The following ARB2A variants were observed in gnomAD, a reference collection of about 807,000 sequenced individuals.
The protein encoded by ARB2A is ARB2 cotranscriptional regulator A.
At chr5:93,859,419 G>GA in the ARB2A span, among the ~76,000 whole-genome samples, 18 of 149,318 alleles carry the variant, frequency 1.2e-4, no homozygotes, top group Non-Finnish European at 1.8e-4. Context: ...TAAGGCACAT[G>GA]AAAAAAAAAG....
At chr5:93,906,532 A>C in the ARB2A span, among the ~76,000 whole-genome samples, 1 of 151,578 alleles carries the variant, frequency 6.6e-6, no homozygotes, top group Non-Finnish European at 1.5e-5. Context: ...AAAAATATTG[A>C]GTGTCACAAA....
the ARB2A span, among the ~76,000 whole-genome samples, chr5:93,748,358 A>G: frequency 6.6e-6 from 1 of 152,134 alleles, no homozygotes; most frequent in Non-Finnish European, 1.5e-5. Context: ...ATATTGAAGA[A>G]TAGTAAAATA....
chr5:94,106,856 T>C, the ARB2A span, among the ~76,000 whole-genome samples: 2 of 139,872 alleles, frequency 1.4e-5, no homozygotes, highest in African/African-American at 2.7e-5. Flanking sequence ...CATTATCCTA[T>C]GTGAATCAAT....
At chr5:93,881,430 G>T in the ARB2A span, 1 of 1,433,716 alleles carries the variant, frequency 7.0e-7, no homozygotes, top group Non-Finnish European at 9.7e-7. Flanking sequence ...ATATATACAA[G>T]GTAAAGAAAA....
the ARB2A span, among the ~76,000 whole-genome samples, chr5:93,948,647 A>G: frequency 2.0e-5 from 3 of 152,106 alleles, no homozygotes; most frequent in Non-Finnish European, 4.4e-5. Flanking sequence ...TTTTAGGTCT[A>G]ACGTTTAAGT....
At chr5:94,070,471 T>C in the ARB2A span, among the ~76,000 whole-genome samples, 544 of 152,182 alleles carry the variant, frequency 3.6e-3, 5 homozygotes, top group African/African-American at 0.013. Flanking sequence ...TATTTCAAGA[T>C]AGCTAGAAGA....
chr5:94,063,283 T>C, the ARB2A span, among the ~76,000 whole-genome samples: 1 of 152,088 alleles, frequency 6.6e-6, no homozygotes, highest in Non-Finnish European at 1.5e-5. Flanking sequence ...GTACTCCTCC[T>C]AGGGGCCTCA....
At chr5:93,984,627 A>C in the ARB2A span, among the ~76,000 whole-genome samples, 3 of 152,178 alleles carry the variant, frequency 2.0e-5, no homozygotes, top group African/African-American at 7.2e-5. Context: ...TGAAGTTTTT[A>C]CTGACTTTGC....
chr5:94,072,628 C>G, the ARB2A span, among the ~76,000 whole-genome samples: 1 of 151,852 alleles, frequency 6.6e-6, no homozygotes, highest in African/African-American at 2.4e-5. Flanking sequence ...CTAATACATA[C>G]GAACTAAGAG....
At chr5:93,781,029 T>A in the ARB2A span, among the ~76,000 whole-genome samples, 2 of 152,194 alleles carry the variant, frequency 1.3e-5, no homozygotes, top group African/African-American at 4.8e-5. Flanking sequence ...TTTCTTTTTT[T>A]TATAGATTTA....
At chr5:93,945,414 C>CA in the ARB2A span, among the ~76,000 whole-genome samples, 4,262 of 59,500 alleles carry the variant, frequency 0.072, 132 homozygotes, top group East Asian at 0.26. Context: ...GATTCCATCT[C>CA]AAAAAAAAAA....
chr5:94,025,827 C>T, the ARB2A span, among the ~76,000 whole-genome samples: 71 of 152,280 alleles, frequency 4.7e-4, no homozygotes, highest in African/African-American at 1.5e-3. Context: ...ACGCCCCTGC[C>T]GAGGCCTTGC....
At chr5:93,683,515 T>G in the ARB2A span, 1 of 1,559,696 alleles carries the variant, frequency 6.4e-7, no homozygotes. Context: ...TTGGACTGCC[T>G]TCGTAATTCA....
At chr5:93,764,426 T>C in the ARB2A span, among the ~76,000 whole-genome samples, 6 of 152,224 alleles carry the variant, frequency 3.9e-5, no homozygotes, top group South Asian at 1.2e-3. Context: ...AACACCTCTA[T>C]GCAAATAAAC....
the ARB2A span, among the ~76,000 whole-genome samples, chr5:94,006,165 C>A: frequency 2.6e-5 from 4 of 152,134 alleles, no homozygotes; most frequent in Non-Finnish European, 5.9e-5. Context: ...TTAGAACAAA[C>A]TTTGATACAT....
chr5:93,754,541 T>A, the ARB2A span, among the ~76,000 whole-genome samples: 1 of 152,166 alleles, frequency 6.6e-6, no homozygotes, highest in Non-Finnish European at 1.5e-5. Context: ...GTAGAACCAA[T>A]CTAGCAAAGA....
chr5:93,848,597 T>C, the ARB2A span, among the ~76,000 whole-genome samples: 5 of 152,186 alleles, frequency 3.3e-5, no homozygotes, highest in Admixed American at 3.3e-4. Context: ...ATTCTGACCA[T>C]TGCAATCACT....
At chr5:93,671,625 A>C in the ARB2A span, among the ~76,000 whole-genome samples, 7 of 152,272 alleles carry the variant, frequency 4.6e-5, no homozygotes, top group South Asian at 1.5e-3. Context: ...ATTTACAAAA[A>C]AATTTTTGGA....
chr5:93,849,435 A>C, the ARB2A span, among the ~76,000 whole-genome samples: 18 of 152,158 alleles, frequency 1.2e-4, no homozygotes, highest in Non-Finnish European at 2.9e-5. Flanking sequence ...GGAAATATTA[A>C]ATAATTTTAA....
Sources: allele counts gnomAD v4.1 joint callset (sites outside exome capture counted in the v4.1 genomes callset), GRCh38; gene constraint gnomAD v4.1.1; transcripts MANE v1.5; gene names NCBI Gene and HGNC (gene_info 2026-07-23, HGNC 2026-07-21).